The following ALDH1A1 variants were observed in gnomAD, a reference collection of about 807,000 sequenced individuals.
ALDH1A1 encodes the protein aldehyde dehydrogenase 1A1.
A neutral mutation model predicts 62.1 loss-of-function variants in ALDH1A1; 19 were observed. That is an observed-to-expected ratio of 0.31 (90% confidence interval 0.21 to 0.45). ALDH1A1 has a LOEUF of 0.45. Among genes scored for constraint, ALDH1A1 ranks in the 20% least tolerant of loss-of-function variants. The pLI, the probability that ALDH1A1 is intolerant of heterozygous loss-of-function variation, is 1.00. For synonymous variants in ALDH1A1, 231 were observed against 215.9 expected, an observed-to-expected ratio of 1.07 and a Z score of -0.61; for missense variants, 521 against 607.1, an observed-to-expected ratio of 0.86 and a Z score of 1.49.
intron 1 of ALDH1A1, among the ~76,000 whole-genome samples, chr9:72,941,901 C>A (rs1830419882): frequency 6.6e-6 from 1 of 151,974 alleles, no homozygotes; most frequent in South Asian, 2.1e-4. Context: ...AACACATGGG[C>A]ATGCCTAAAT....
intron 7 of ALDH1A1, 36 bp from the exon 8 acceptor site, chr9:72,918,858 T>C (rs1830097938): frequency 6.7e-7 from 1 of 1,483,464 alleles, no homozygotes; most frequent in Non-Finnish European, 9.4e-7. Context: ...AGGCTTACCC[T>C]GCTCTCATGA....
intron 1 of ALDH1A1, among the ~76,000 whole-genome samples, chr9:72,945,005 C>G (rs1283938484): frequency 6.6e-6 from 1 of 152,022 alleles, no homozygotes; most frequent in South Asian, 2.1e-4. Context: ...TTAAGAAATG[C>G]ATCATTTTAC....
chr9:72,915,060 T>C (rs895673374), intron 9 of ALDH1A1, among the ~76,000 whole-genome samples: 1 of 152,116 alleles, frequency 6.6e-6, no homozygotes, highest in Non-Finnish European at 1.5e-5. Context: ...AATTCTAACA[T>C]ACCTACTTAT....
At chr9:72,937,821 T>C (rs1830363248) in intron 2 of ALDH1A1, among the ~76,000 whole-genome samples, 1 of 152,188 alleles carries the variant, frequency 6.6e-6, no homozygotes, top group South Asian at 2.1e-4. Flanking sequence ...GAATGGAGAA[T>C]TTATGCTTTG....
intron 2 of ALDH1A1, among the ~76,000 whole-genome samples, chr9:72,933,608 A>G (rs939410748): frequency 3.1e-4 from 28 of 91,438 alleles, no homozygotes; most frequent in African/African-American, 1.0e-3. Context: ...AAAAAAAAAA[A>G]AAAAAGAAAA....
At chr9:72,914,789 A>C (rs1052698256) in intron 9 of ALDH1A1, among the ~76,000 whole-genome samples, 1 of 152,064 alleles carries the variant, frequency 6.6e-6, no homozygotes, top group African/African-American at 2.4e-5. Flanking sequence ...GTAATGTTCA[A>C]ATTTTTTTAA....
chr9:72,928,484 G>A (rs1177775144), intron 4 of ALDH1A1, among the ~76,000 whole-genome samples: 2 of 151,980 alleles, frequency 1.3e-5, no homozygotes, highest in South Asian at 2.1e-4. Context: ...GACTTATACT[G>A]GAACATGTAA....
chr9:72,906,059 G>T (rs879501142), intron 11 of ALDH1A1, 27 bp from the exon 12 acceptor site: 1 of 1,572,158 alleles, frequency 6.4e-7, no homozygotes, highest in Non-Finnish European at 8.7e-7. Flanking sequence ...GTGCATTATA[G>T]ACAATACTTA....
chr9:72,921,565 G>A (rs947145494), intron 7 of ALDH1A1, among the ~76,000 whole-genome samples: 1 of 123,516 alleles, frequency 8.1e-6, no homozygotes, highest in African/African-American at 3.2e-5. Context: ...GGGTACATGT[G>A]CACATTGTGC....
intron 2 of ALDH1A1, among the ~76,000 whole-genome samples, chr9:72,933,981 A>G (rs1016138834): frequency 6.6e-6 from 1 of 152,126 alleles, no homozygotes; most frequent in African/African-American, 2.4e-5. Flanking sequence ...TTTTTAGTAA[A>G]GATGAGGTCT....
chr9:72,903,200 T>C (rs929475428), intron 12 of ALDH1A1, among the ~76,000 whole-genome samples: 1 of 152,184 alleles, frequency 6.6e-6, no homozygotes, highest in East Asian at 1.9e-4. Flanking sequence ...TAAGAGCCAA[T>C]CAAGTTTAAA....
At chr9:72,908,565 AAG>A (rs1829924093) in intron 11 of ALDH1A1, among the ~76,000 whole-genome samples, 1 of 22,906 alleles carries the variant, frequency 4.4e-5, no homozygotes, top group South Asian at 1.4e-3. Context: ...GAAAGAAAGA[AAG>A]AAAGAAAGAA....
In ALDH1A1 at chr9:72,953,018, G is replaced by C; in HGVS notation, c.-18C>G. The C allele has an allele frequency of 3.1e-6, 5 of 1,612,932 alleles. No homozygotes were observed. Among genetic ancestry groups the C allele is most frequent in the Non-Finnish European group, 4.2e-6 (5 of 1,179,174 alleles). On this transcript the variant is annotated 5_prime_UTR_variant, in exon 1 of 13. Transcript: ENST00000297785. ...GATGACATTTCTGATTCGGCTCCTG[G>C]AACACAGGTGACTGGCTCAGCAATT...
chr9:72,911,144 A>G (rs1373802244), intron 10 of ALDH1A1, among the ~76,000 whole-genome samples: 1 of 152,112 alleles, frequency 6.6e-6, no homozygotes, highest in Non-Finnish European at 1.5e-5. Flanking sequence ...ATATATGTAT[A>G]CAGACACACA....
chr9:72,925,906 A>G (rs1346617972), intron 5 of ALDH1A1, among the ~76,000 whole-genome samples: 1 of 152,214 alleles, frequency 6.6e-6, no homozygotes, highest in African/African-American at 2.4e-5. Context: ...TTGGCTTATT[A>G]TGGAGCACAC....
chr9:72,918,064 T>C (rs1012214878), intron 8 of ALDH1A1, among the ~76,000 whole-genome samples: 11 of 152,192 alleles, frequency 7.2e-5, no homozygotes, highest in Non-Finnish European at 1.5e-4. Context: ...TAACAGATAA[T>C]GCAGTTGTGA....
At chr9:72,903,502 C>A (rs571878170) in intron 12 of ALDH1A1, among the ~76,000 whole-genome samples, 19 of 151,974 alleles carry the variant, frequency 1.3e-4, no homozygotes, top group African/African-American at 3.6e-4. Context: ...TGAGTAATAA[C>A]TTGTAACTCT....
At chr9:72,935,139 T>C (rs889635938) in intron 2 of ALDH1A1, among the ~76,000 whole-genome samples, 44 of 152,310 alleles carry the variant, frequency 2.9e-4, no homozygotes, top group African/African-American at 1.1e-3. Context: ...GATTCCATGA[T>C]ACAACAAAAC....
intron 1 of ALDH1A1, among the ~76,000 whole-genome samples, chr9:72,949,723 T>G (rs944360685): frequency 8.6e-5 from 13 of 151,508 alleles, no homozygotes; most frequent in African/African-American, 3.1e-4. Flanking sequence ...GAAGGTCTTT[T>G]GTAGCATGAA....
Sources: gnomAD v4.1 joint callset for allele counts (sites outside exome capture counted in the v4.1 genomes callset) on GRCh38, gnomAD v4.1.1 for gene constraint, MANE v1.5 for transcripts, NCBI Gene and HGNC (gene_info 2026-07-23, HGNC 2026-07-21) for gene names.